MTUS2: variants seen among roughly 807,000 people sequenced by gnomAD.
The protein encoded by MTUS2 is microtubule-associated tumor suppressor candidate 2.
In MTUS2, 40 loss-of-function variants were observed where a neutral mutation model predicts 114.1. That is an observed-to-expected ratio of 0.35 (90% CI 0.27 to 0.46). MTUS2 has a LOEUF of 0.46. Among genes scored for constraint, MTUS2 ranks in the 20% least tolerant of loss-of-function variants. MTUS2 has a pLI of 1.00. For synonymous variants in MTUS2, 688 were observed against 672.0 expected, an observed-to-expected ratio of 1.02 and a Z score of -0.37; for missense variants, 1,679 against 1,705.4, an observed-to-expected ratio of 0.98 and a Z score of 0.27.
intron 5 of MTUS2, among the ~76,000 whole-genome samples, chr13:29,183,767 G>A (rs981611061): frequency 2.6e-5 from 4 of 152,030 alleles, no homozygotes; most frequent in South Asian, 2.1e-4. Context: ...AAAAGTGATC[G>A]GTTGGATCAA....
At chr13:29,325,565 GA>G (rs1366778454) in intron 7 of MTUS2, among the ~76,000 whole-genome samples, 2,173 of 34,462 alleles carry the variant, frequency 0.063, 49 homozygotes, top group African/African-American at 0.11. Context: ...AGAGGAAGAA[GA>G]AGAAGAGGAG....
chr13:29,186,948 TAAGTG>T (rs1894250728), intron 5 of MTUS2, among the ~76,000 whole-genome samples: 1 of 152,032 alleles, frequency 6.6e-6, no homozygotes, highest in African/African-American at 2.4e-5. Context: ...TAGGAATCAA[TAAGTG>T]AAAGAAATTT....
chr13:29,309,595 T>C (rs1319533242), intron 6 of MTUS2, among the ~76,000 whole-genome samples: 1 of 152,068 alleles, frequency 6.6e-6, no homozygotes, highest in African/African-American at 2.4e-5. Context: ...AAGAACAAAA[T>C]AATGAAATAA....
intron 2 of MTUS2, among the ~76,000 whole-genome samples, chr13:28,917,271 C>A (rs1297722520): frequency 1.3e-5 from 2 of 151,714 alleles, no homozygotes; most frequent in Non-Finnish European, 1.5e-5. Flanking sequence ...GTAATACTGT[C>A]CTTGTAGAAT....
In MTUS2 at chr13:29,150,976, A is replaced by G. The variant is rs140148498; in HGVS notation, c.2644+50006A>G. 2.7e-3 allele frequency among the ~76,000 whole-genome samples: 413 copies of G among 152,306 alleles called. 2 individuals carry two copies. Among genetic ancestry groups the G allele is most frequent in the African/African-American group, 9.5e-3 (393 of 41,578 alleles). Reference sequence around the variant, plus strand: ...GTATAGTTTGAAGTCAGGTAGTGTGATATCTATGGCTTTGTTCTTTTTGCC... The same window carrying G: ...GTATAGTTTGAAGTCAGGTAGTGTGGTATCTATGGCTTTGTTCTTTTTGCC... On this transcript the variant is annotated intron_variant, in intron 5 of 15. Coordinates refer to ENST00000612955, the MANE Select transcript of MTUS2 (RefSeq NM_001033602.4).
chr13:28,837,229 C>T lies in MTUS2; in HGVS notation c.-315-2549C>T, dbSNP rs148292571. Reference sequence around the variant, plus strand: ...CAACAATCAGCCTCAGGGTGGTGTCCAGGAATCTATGTTTAACAAATCTAT... The same window carrying T: ...CAACAATCAGCCTCAGGGTGGTGTCTAGGAATCTATGTTTAACAAATCTAT... On this transcript the variant is annotated intron_variant, in intron 1 of 15. Transcript: ENST00000612955. 2.4e-3 allele frequency among the ~76,000 whole-genome samples: 366 copies of T among 152,256 alleles called. 1 individual carries two copies. Among genetic ancestry groups the T allele is most frequent in the African/African-American group, 8.2e-3 (339 of 41,546 alleles).
At chr13:28,910,484 C>T (rs1456126775) in intron 2 of MTUS2, among the ~76,000 whole-genome samples, 1 of 152,106 alleles carries the variant, frequency 6.6e-6, no homozygotes, top group Non-Finnish European at 1.5e-5. Context: ...AACCTATCAC[C>T]TAGGTATTAA....
At chr13:29,198,567 C>T (rs1384312399) in intron 5 of MTUS2, among the ~76,000 whole-genome samples, 5 of 151,984 alleles carry the variant, frequency 3.3e-5, no homozygotes, top group Non-Finnish European at 7.4e-5. Context: ...TTTTTAGTTC[C>T]ATATGAAATT....
intron 1 of MTUS2, among the ~76,000 whole-genome samples, chr13:28,830,902 C>G (rs1002917280): frequency 8.5e-5 from 13 of 152,048 alleles, no homozygotes; most frequent in African/African-American, 2.9e-4. Flanking sequence ...AACTGTCAAT[C>G]AAGAATTCTA....
intron 2 of MTUS2, among the ~76,000 whole-genome samples, chr13:29,018,699 A>T (rs1322749045): frequency 6.6e-6 from 1 of 152,060 alleles, no homozygotes; most frequent in Non-Finnish European, 1.5e-5. Context: ...AGCGGAGGTT[A>T]CAGTGAGCTG....
intron 2 of MTUS2, among the ~76,000 whole-genome samples, chr13:28,869,757 G>A (rs1877511176): frequency 1.3e-5 from 2 of 152,084 alleles, no homozygotes; most frequent in African/African-American, 2.4e-5. Context: ...GTGACAGAGC[G>A]AGACTCTGTC....
At chr13:29,124,968 A>G (rs1472456610) in intron 5 of MTUS2, among the ~76,000 whole-genome samples, 1 of 152,232 alleles carries the variant, frequency 6.6e-6, no homozygotes. Context: ...TAACAGGTAT[A>G]GAGTGTCACT....
intron 5 of MTUS2, among the ~76,000 whole-genome samples, chr13:29,145,220 A>C (rs530091517): frequency 6.6e-6 from 1 of 152,276 alleles, no homozygotes; most frequent in African/African-American, 2.4e-5. Context: ...ATTTCAGTTT[A>C]ACCTAAAATT....
intron 4 of MTUS2, among the ~76,000 whole-genome samples, chr13:29,062,261 C>T (rs1888455859): frequency 6.6e-6 from 1 of 152,216 alleles, no homozygotes; most frequent in Non-Finnish European, 1.5e-5. Flanking sequence ...GCTGGGATTA[C>T]AGGCATGAGC....
At chr13:29,113,092 G>A (rs11619837) in intron 5 of MTUS2, among the ~76,000 whole-genome samples, 14,578 of 152,154 alleles carry the variant, frequency 0.096, 963 homozygotes, top group Non-Finnish European at 0.13. Context: ...TAGATCCCAC[G>A]TCTCTCCAAT....
intron 2 of MTUS2, among the ~76,000 whole-genome samples, chr13:28,936,220 T>G (rs946422852): frequency 4.6e-5 from 7 of 152,216 alleles, no homozygotes; most frequent in Non-Finnish European, 1.0e-4. Flanking sequence ...CATGCCAGCA[T>G]GCTGGTACCT....
chr13:29,131,720 G>C (rs1891771856), intron 5 of MTUS2, among the ~76,000 whole-genome samples: 1 of 152,220 alleles, frequency 6.6e-6, no homozygotes, highest in Non-Finnish European at 1.5e-5. Context: ...CCTCCACTTG[G>C]CTTAGCCATC....
chr13:28,928,772 T>G (rs373426412), intron 2 of MTUS2, among the ~76,000 whole-genome samples: 5 of 152,196 alleles, frequency 3.3e-5, no homozygotes, highest in East Asian at 3.8e-4. Context: ...GAAGAGATAT[T>G]TGCATTCCCA....
intron 2 of MTUS2, among the ~76,000 whole-genome samples, chr13:28,882,241 T>C (rs1204299667): frequency 1.3e-5 from 2 of 152,018 alleles, no homozygotes; most frequent in East Asian, 3.9e-4. Flanking sequence ...ATATTTTTAG[T>C]AGGGGCAGGT....
Sources: allele counts gnomAD v4.1 joint callset (sites outside exome capture counted in the v4.1 genomes callset), GRCh38; gene constraint gnomAD v4.1.1; transcripts MANE v1.5; gene names NCBI Gene and HGNC (gene_info 2026-07-23, HGNC 2026-07-21).